Variants in ANKRD31 observed in about 807,000 individuals in gnomAD.
ANKRD31 encodes ankyrin repeat domain 31.
ANKRD31 carries 147 observed loss-of-function variants against 186.0 expected under a neutral mutation model. That is an observed-to-expected ratio of 0.79 (90% CI 0.69 to 0.91). The LOEUF is 0.91. ANKRD31 is among the 40% of genes least tolerant of loss of function. The probability of loss-of-function intolerance (pLI) is 0.00; values close to 1 mark genes in which losing one functional copy is unlikely to be tolerated. For synonymous variants in ANKRD31, 673 were observed against 736.4 expected (o/e 0.91, Z 1.39); for missense variants, 1,986 against 2,148.8 (o/e 0.92, Z 1.50).
chr5:75,083,970 G>C (rs1745287832), intron 24 of ANKRD31, among the ~76,000 whole-genome samples: 1 of 152,154 alleles, frequency 6.6e-6, no homozygotes, highest in Non-Finnish European at 1.5e-5. Flanking sequence ...AATCCATACA[G>C]ACAGATAGCA....
Position 75,236,590 on chromosome 5 carries a change from A to G in ANKRD31, c.97T>C (p.Trp33Arg). 2 of 1,537,004 alleles carry G rather than the reference A, an allele frequency of 1.3e-6. No individual in the cohort carries two copies. Among genetic ancestry groups the G allele is most frequent in the Non-Finnish European group, 1.7e-6 (2 of 1,146,772 alleles). The change falls in exon 1 of 26, where the codon TGG (tryptophan) becomes CGG (arginine). Residue 33 changes from tryptophan (W) to arginine (R), a missense_variant. By Grantham distance (101) the Trp-to-Arg change is moderately radical. Transcript: ENST00000506364. ...ESDLEEKELPWRRLLFDQDAS... is the reference protein window; with the variant it reads ...ESDLEEKELPRRRLLFDQDAS... ...GGCCCTAATGATGGTCACCTTCTCC[A>G]GGGCAGCTCCTTTTCTTCCAGGTCG... is the stretch of plus-strand genomic sequence containing the variant.
intron 10 of ANKRD31, among the ~76,000 whole-genome samples, chr5:75,182,570 T>C (rs1754395956): frequency 6.6e-6 from 1 of 151,668 alleles, no homozygotes; most frequent in Non-Finnish European, 1.5e-5. Flanking sequence ...AATACAAAAA[T>C]TAGCCAGGCG....
chr5:75,156,103 C>T (rs960217233), intron 11 of ANKRD31, among the ~76,000 whole-genome samples: 4 of 152,166 alleles, frequency 2.6e-5, no homozygotes, highest in Non-Finnish European at 5.9e-5. Flanking sequence ...TGGGGTTTCG[C>T]CTTGTTGGCC....
chr5:75,199,573 T>G, intron 6 of ANKRD31, 58 bp downstream of exon 6: 3 of 1,366,966 alleles, frequency 2.2e-6, no homozygotes, highest in Non-Finnish European at 2.9e-6. Context: ...ATCGACATAA[T>G]TTTTTAAAAA....
intron 22 of ANKRD31, among the ~76,000 whole-genome samples, chr5:75,100,722 T>C: frequency 6.6e-6 from 1 of 152,194 alleles, no homozygotes; most frequent in South Asian, 2.1e-4. Context: ...TAAAGTCTGT[T>C]TTATCAGAGA....
At chr5:75,195,144 T>C (rs1755379596) in intron 7 of ANKRD31, among the ~76,000 whole-genome samples, 1 of 152,126 alleles carries the variant, frequency 6.6e-6, no homozygotes, top group African/African-American at 2.4e-5. Context: ...AAAATTCTGC[T>C]TAAGCTAGGC....
chr5:75,227,797 G>A (rs1246196190), intron 2 of ANKRD31, among the ~76,000 whole-genome samples: 2 of 152,168 alleles, frequency 1.3e-5, no homozygotes, highest in Non-Finnish European at 2.9e-5. Context: ...ACCGCAGAAG[G>A]TAAGCAGCAG....
At chr5:75,138,048 C>G (rs1340773191) in intron 16 of ANKRD31, 50 bp from the exon 17 acceptor site, 3 of 1,385,766 alleles carry the variant, frequency 2.2e-6, no homozygotes, top group Non-Finnish European at 2.8e-6. Context: ...CGAATCAATA[C>G]TCATGTAATA....
intron 7 of ANKRD31, among the ~76,000 whole-genome samples, chr5:75,195,049 A>G (rs753373353): frequency 2.0e-5 from 3 of 152,212 alleles, no homozygotes; most frequent in Non-Finnish European, 4.4e-5. Flanking sequence ...GTGATAGGCC[A>G]CTACAGAGCC....
At chr5:75,083,212 G>A (rs960678927) in intron 24 of ANKRD31, among the ~76,000 whole-genome samples, 1 of 152,086 alleles carries the variant, frequency 6.6e-6, no homozygotes, top group African/African-American at 2.4e-5. Context: ...ACTGTGACTT[G>A]TCACGTGAGG....
At chr5:75,113,199 T>G (rs532550587) in intron 19 of ANKRD31, among the ~76,000 whole-genome samples, 4 of 152,310 alleles carry the variant, frequency 2.6e-5, no homozygotes, top group African/African-American at 7.2e-5. Context: ...AAATCCTAGC[T>G]TCACCTCTTC....
At chr5:75,157,009 A>C (rs1019450565) in intron 11 of ANKRD31, among the ~76,000 whole-genome samples, 2 of 152,140 alleles carry the variant, frequency 1.3e-5, no homozygotes, top group Non-Finnish European at 2.9e-5. Context: ...AATACCTAAA[A>C]ATGTAGACGT....
chr5:75,131,856 T>C (rs535049645), intron 17 of ANKRD31, among the ~76,000 whole-genome samples: 2 of 152,276 alleles, frequency 1.3e-5, no homozygotes, highest in East Asian at 1.9e-4. Context: ...TTCTCCAATA[T>C]TGGCTGTTCT....
At chr5:75,175,767 C>T (rs1753740015) in intron 10 of ANKRD31, among the ~76,000 whole-genome samples, 1 of 151,862 alleles carries the variant, frequency 6.6e-6, no homozygotes, top group South Asian at 2.1e-4. Context: ...GCCAAGATGG[C>T]CGAACAGGAA....
At chr5:75,075,668 C>G (rs1258402909) in intron 25 of ANKRD31, among the ~76,000 whole-genome samples, 3 of 152,138 alleles carry the variant, frequency 2.0e-5, no homozygotes, top group Admixed American at 2.0e-4. Context: ...ACTACTCCCA[C>G]CAAGCTTTGG....
In ANKRD31 at chr5:75,084,391, AC is replaced by A. The variant is rs1462844746; in HGVS notation, c.5473-18del. On this transcript the variant is annotated intron_variant, in intron 23 of 25. Coordinates refer to ENST00000506364, the MANE Select transcript of ANKRD31 (RefSeq NM_001372053.1). ...ATACGTTACCTGCACATAATTAAGC[AC>A]AAAATTTATAAATCATACATTCTGT... The A allele has an allele frequency of 6.7e-7, 1 of 1,486,888 alleles. No individual in the cohort carries two copies. The highest frequency in any genetic ancestry group is 2.0e-5 in the Admixed American group (1 of 50,936). The allele number at this position is 1,486,888 out of a possible 1,614,324, so 92.1% of individuals were successfully genotyped here. A position where few individuals can be genotyped will look rare whatever the true frequency, so the allele number is the denominator to read the frequency against.
chr5:75,144,960 A>T (rs1751327857), intron 14 of ANKRD31, among the ~76,000 whole-genome samples: 1 of 149,096 alleles, frequency 6.7e-6, no homozygotes, highest in African/African-American at 2.4e-5. Flanking sequence ...AAAAGAAGAC[A>T]TTTATGTGGC....
intron 20 of ANKRD31, among the ~76,000 whole-genome samples, chr5:75,112,204 C>A (rs1747844437): frequency 6.6e-6 from 1 of 152,126 alleles, no homozygotes; most frequent in African/African-American, 2.4e-5. Context: ...CATTCTCCTG[C>A]CTCAGCCTCC....
At chr5:75,188,706 C>T (rs1754904230) in intron 9 of ANKRD31, 58 bp from the exon 10 acceptor site, 10 of 1,398,140 alleles carry the variant, frequency 7.2e-6, no homozygotes, top group African/African-American at 2.9e-5. Flanking sequence ...AGAAGGAATA[C>T]GGATTACAAA....
Sources: allele counts gnomAD v4.1 joint callset (sites outside exome capture counted in the v4.1 genomes callset), GRCh38; gene constraint gnomAD v4.1.1; transcripts MANE v1.5; gene names NCBI Gene and HGNC (gene_info 2026-07-23, HGNC 2026-07-21).